MAN1A1: variants seen among roughly 807,000 people sequenced by gnomAD.
MAN1A1 encodes mannosyl-oligosaccharide 1,2-alpha-mannosidase IA.
A neutral mutation model predicts 70.8 loss-of-function variants in MAN1A1; 29 were observed. The observed-to-expected ratio is 0.41, with a 90% CI of 0.31 to 0.56. MAN1A1 has a LOEUF of 0.56. Ranked by LOEUF, MAN1A1 falls within the 20% of genes least tolerant of loss-of-function variation. The pLI is 0.29. For missense variants in MAN1A1, 747 were observed against 841.3 expected, an observed-to-expected ratio of 0.89 and a Z score of 1.39; for synonymous variants, 349 against 330.1, an observed-to-expected ratio of 1.06 and a Z score of -0.62.
chr6:119,184,764 C>T (rs1278003102), intron 11 of MAN1A1, among the ~76,000 whole-genome samples: 2 of 152,076 alleles, frequency 1.3e-5, no homozygotes, highest in African/African-American at 4.8e-5. Flanking sequence ...AAGGCTTTAC[C>T]CTTTACCATA....
At position 119,231,184 on chromosome 6, in the gene MAN1A1, C is replaced by T. The variant is rs190152650; in HGVS notation, c.992+17076G>A. Among the ~76,000 whole-genome samples, 189 of 152,204 alleles carry T rather than the reference C, an allele frequency of 1.2e-3. 4 individuals are homozygous for T. The highest frequency in any genetic ancestry group is 0.012 in the Admixed American group (183 of 15,298). On this transcript the variant is annotated intron_variant, in intron 6 of 12. Transcript: ENST00000368468. Reference sequence around the variant, plus strand: ...GGGAAAAAGTATGAAAAGCAGAGTGCTAATATGTTTTGAGACAATGAATCT... The same window carrying T: ...GGGAAAAAGTATGAAAAGCAGAGTGTTAATATGTTTTGAGACAATGAATCT...
chr6:119,272,236 T>C (rs1775945116), intron 5 of MAN1A1, among the ~76,000 whole-genome samples: 1 of 152,184 alleles, frequency 6.6e-6, no homozygotes, highest in African/African-American at 2.4e-5. Flanking sequence ...GTCTAGATTT[T>C]GATTTGTAAA....
At chr6:119,183,648 A>G (rs1354562897) in intron 11 of MAN1A1, among the ~76,000 whole-genome samples, 1 of 152,182 alleles carries the variant, frequency 6.6e-6, no homozygotes, top group East Asian at 1.9e-4. Flanking sequence ...CCTCCTCTCC[A>G]TGGAAACTGC....
chr6:119,325,862 T>G (rs1387351057), intron 2 of MAN1A1, among the ~76,000 whole-genome samples: 2 of 152,246 alleles, frequency 1.3e-5, no homozygotes, highest in African/African-American at 4.8e-5. Context: ...GCCTTCTCTA[T>G]TTGCATATAC....
At position 119,348,802 on chromosome 6, in the gene MAN1A1, G is replaced by A. The variant is rs1356819288; in HGVS notation, c.264C>T (p.Pro88=). Reference sequence around the variant, plus strand: ...CGTCCTCGGCGCGCGCCCCGGGCCCGGGCTTGTGGTCGGCGGCCGGCTGCA... The same window carrying A: ...CGTCCTCGGCGCGCGCCCCGGGCCCAGGCTTGTGGTCGGCGGCCGGCTGCA... ...PALQPAADHK[P]GPGARAEDAA... The change falls in exon 2 of 13, where the codon CCC becomes CCT. Residue 88 remains proline, a synonymous_variant. Coordinates refer to ENST00000368468, the MANE Select transcript of MAN1A1 (RefSeq NM_005907.4). The A allele has an allele frequency of 2.8e-6, 4 of 1,437,984 alleles. No homozygotes were observed. The highest frequency in any genetic ancestry group is 1.5e-5 in the African/African-American group (1 of 68,324). 89.1% of individuals were successfully genotyped at this position (1,437,984 alleles called of 1,614,324 possible).
chr6:119,204,721 T>A, intron 7 of MAN1A1, 38 bp downstream of exon 7: 35 of 1,611,244 alleles, frequency 2.2e-5, no homozygotes, highest in Non-Finnish European at 3.0e-5. Context: ...TTCTCATAAG[T>A]GTTGCTTTGC....
At chr6:119,200,658 C>T (rs1773690838) in intron 8 of MAN1A1, among the ~76,000 whole-genome samples, 3 of 152,146 alleles carry the variant, frequency 2.0e-5, no homozygotes, top group Admixed American at 1.3e-4. Flanking sequence ...TATGCCCCTG[C>T]TCAAAATCGT....
intron 2 of MAN1A1, among the ~76,000 whole-genome samples, chr6:119,316,177 T>G (rs1156394089): frequency 1.4e-5 from 2 of 141,568 alleles, no homozygotes; most frequent in African/African-American, 5.6e-5. Flanking sequence ...TTTTGTGGGT[T>G]TTTTTTTTTT....
At chr6:119,309,271 C>T (rs1213126086) in intron 2 of MAN1A1, among the ~76,000 whole-genome samples, 2 of 152,142 alleles carry the variant, frequency 1.3e-5, no homozygotes, top group African/African-American at 4.8e-5. Context: ...TGTACACATG[C>T]ATAGAATAAC....
chr6:119,197,178 G>A (rs931289805), intron 8 of MAN1A1, among the ~76,000 whole-genome samples: 5 of 151,940 alleles, frequency 3.3e-5, no homozygotes, highest in Admixed American at 1.3e-4. Context: ...GTGTAGGGGC[G>A]GGCACCTGTA....
At chr6:119,190,837 G>C (rs1773421428) in intron 9 of MAN1A1, among the ~76,000 whole-genome samples, 1 of 152,162 alleles carries the variant, frequency 6.6e-6, no homozygotes, top group Admixed American at 6.6e-5. Flanking sequence ...AAAATAAAGT[G>C]TGTTTGGCAT....
chr6:119,246,470 A>G (rs141975528), intron 6 of MAN1A1, among the ~76,000 whole-genome samples: 2,352 of 152,264 alleles, frequency 0.015, 30 homozygotes, highest in Non-Finnish European at 0.023. Flanking sequence ...TCACAAAGTA[A>G]CTACTGAGTT....
chr6:119,249,881 T>C (rs1775271408), intron 5 of MAN1A1, among the ~76,000 whole-genome samples: 2 of 152,178 alleles, frequency 1.3e-5, no homozygotes, highest in South Asian at 4.1e-4. Flanking sequence ...TCTCATTTAG[T>C]AGTGGAAGTC....
At chr6:119,224,627 C>T (rs1459865568) in intron 6 of MAN1A1, among the ~76,000 whole-genome samples, 3 of 152,086 alleles carry the variant, frequency 2.0e-5, no homozygotes, top group African/African-American at 7.2e-5. Flanking sequence ...GTTTTTAACA[C>T]AAAGTTACCA....
At chr6:119,295,443 G>A (rs1169649750) in intron 4 of MAN1A1, among the ~76,000 whole-genome samples, 1 of 74,742 alleles carries the variant, frequency 1.3e-5, no homozygotes, top group African/African-American at 5.1e-5. Flanking sequence ...ATGCAAGCTC[G>A]AGGAACAGAT....
At chr6:119,350,541 T>G, upstream of MAN1A1, 1 of 985,412 alleles carries the variant, frequency 1.0e-6, no homozygotes, top group South Asian at 4.7e-5. Context: ...TAGAAGTTGG[T>G]CAAATTTTCC....
Position 119,302,007 on chromosome 6 carries a change from T to C in MAN1A1, c.797A>G (p.Glu266Gly). 6.3e-7 allele frequency: 1 copy of C among 1,581,704 alleles called. No homozygotes were observed. The highest frequency in any genetic ancestry group is 8.7e-7 in the Non-Finnish European group (1 of 1,152,392). Residue 266 changes from glutamate to glycine, a missense_variant, in exon 4 of 13, where the codon GAA (glutamate) becomes GGA (glycine). Physicochemically the swap from Glu to Gly is moderately conservative, Grantham distance 98. This residue lies in a region of MAN1A1 where 419 missense variants were observed against 548.2 expected (regional missense o/e 0.76). Coordinates refer to ENST00000368468, the MANE Select transcript of MAN1A1 (RefSeq NM_005907.4). ...ACTTACCACATTAAAATCTAAATTT[T>C]CTTCAACCCATGATTTTGCTTCTTC... Reference protein sequence around the residue: ...EFEEAKSWVEENLDFNVNAEI... With the variant: ...EFEEAKSWVEGNLDFNVNAEI...
At chr6:119,314,443 G>A (rs1772796644) in intron 2 of MAN1A1, among the ~76,000 whole-genome samples, 1 of 152,150 alleles carries the variant, frequency 6.6e-6, no homozygotes, top group African/African-American at 2.4e-5. Flanking sequence ...CACTGTGAGG[G>A]GAATTTGATA....
intron 6 of MAN1A1, among the ~76,000 whole-genome samples, chr6:119,229,731 C>T (rs1774623744): frequency 6.6e-6 from 1 of 152,026 alleles, no homozygotes; most frequent in African/African-American, 2.4e-5. Context: ...TCAGGCAATC[C>T]CCTCTTCTCT....
Sources: allele counts gnomAD v4.1 joint callset (sites outside exome capture counted in the v4.1 genomes callset), GRCh38; gene constraint gnomAD v4.1.1; regional missense constraint gnomAD v4.1.1; transcripts MANE v1.5; gene names NCBI Gene and HGNC (gene_info 2026-07-23, HGNC 2026-07-21).